UNC93A: variants seen among roughly 807,000 people sequenced by gnomAD.
The protein encoded by UNC93A is N-acetylglucosamine transporter UNC93A.
A neutral mutation model predicts 47.5 loss-of-function variants in UNC93A; 43 were observed. The ratio of observed to expected loss-of-function variants is 0.91; its 90% confidence interval spans 0.71 to 1.17. The LOEUF (loss-of-function observed/expected upper bound fraction) is 1.17. Ranked by LOEUF, UNC93A falls within the 50% of genes most tolerant of loss-of-function variation. The pLI, the probability that UNC93A is intolerant of heterozygous loss-of-function variation, is 0.00. For missense variants in UNC93A, 605 were observed against 577.6 expected (o/e 1.05, Z -0.49); for synonymous variants, 280 against 258.0 (o/e 1.09, Z -0.82).
upstream of UNC93A, among the ~76,000 whole-genome samples, chr6:167,288,555 A>G (rs903180577): frequency 5.9e-5 from 9 of 152,102 alleles, no homozygotes; most frequent in African/African-American, 2.2e-4. Flanking sequence ...TCTACTCCCT[A>G]TAGATACCTT....
upstream of UNC93A, among the ~76,000 whole-genome samples, chr6:167,270,088 G>A (rs964735382): frequency 6.7e-5 from 10 of 150,294 alleles, no homozygotes; most frequent in Non-Finnish European, 8.9e-5. Context: ...CACATGGTCC[G>A]GAGTCCCCAC....
At chr6:167,278,028 C>A (rs1288388557) in intron 1 of UNC93A, among the ~76,000 whole-genome samples, 1 of 152,140 alleles carries the variant, frequency 6.6e-6, no homozygotes, top group Non-Finnish European at 1.5e-5. Flanking sequence ...TCTACCCACC[C>A]CAGGGACTTG....
At chr6:167,307,072 G>C (rs914078867) in intron 6 of UNC93A, among the ~76,000 whole-genome samples, 3 of 152,124 alleles carry the variant, frequency 2.0e-5, no homozygotes, top group African/African-American at 4.8e-5. Flanking sequence ...GGCACACTTT[G>C]TCCTACCCCC....
chr6:167,311,106 C>T (rs949685909), intron 7 of UNC93A, among the ~76,000 whole-genome samples: 1 of 152,216 alleles, frequency 6.6e-6, no homozygotes, highest in Admixed American at 6.5e-5. Flanking sequence ...CAGCTCTCTT[C>T]ATTTTTGTTT....
intron 1 of UNC93A, among the ~76,000 whole-genome samples, chr6:167,277,011 C>A (rs60425049): frequency 0.28 from 43,244 of 152,178 alleles, 6,403 homozygotes; most frequent in Non-Finnish European, 0.33. Context: ...CCTCCTGGGA[C>A]TTGGCAAGCC....
At chr6:167,279,358 T>C (rs1229739632) in intron 1 of UNC93A, among the ~76,000 whole-genome samples, 1 of 152,238 alleles carries the variant, frequency 6.6e-6, no homozygotes, top group Non-Finnish European at 1.5e-5. Context: ...CATTTGCAAT[T>C]CATTTCAAAA....
chr6:167,303,409 C>G (rs1205724555), intron 4 of UNC93A, among the ~76,000 whole-genome samples: 1 of 152,058 alleles, frequency 6.6e-6, no homozygotes, highest in African/African-American at 2.4e-5. Context: ...GCACAACATT[C>G]TGTTGTAGTT....
At chr6:167,291,765 C>T (rs139209429) in intron 1 of UNC93A, among the ~76,000 whole-genome samples, 189 bp downstream of exon 1, 6 of 152,350 alleles carry the variant, frequency 3.9e-5, no homozygotes, top group Admixed American at 6.5e-5. Context: ...TTCCCACTCA[C>T]GTCTCAATAG....
intron 1 of UNC93A, among the ~76,000 whole-genome samples, chr6:167,273,133 C>T (rs776440931): frequency 4.7e-4 from 71 of 152,214 alleles, no homozygotes; most frequent in Non-Finnish European, 3.4e-4. Flanking sequence ...CAGGTGACAT[C>T]AATCACTTAC....
upstream of UNC93A, among the ~76,000 whole-genome samples, chr6:167,287,264 G>A (rs1562345023): frequency 6.6e-6 from 1 of 152,112 alleles, no homozygotes; most frequent in Non-Finnish European, 1.5e-5. Flanking sequence ...TCATAGAAAC[G>A]GCTGCTGAGC....
At chr6:167,286,893 G>C (rs1783744206), upstream of UNC93A, among the ~76,000 whole-genome samples, 1 of 147,540 alleles carries the variant, frequency 6.8e-6, no homozygotes, top group South Asian at 2.1e-4. Context: ...CAGGAGAATT[G>C]CTTGAACCCG....
intron 4 of UNC93A, among the ~76,000 whole-genome samples, chr6:167,302,110 A>G (rs1252087893): frequency 1.3e-5 from 2 of 152,196 alleles, no homozygotes; most frequent in African/African-American, 4.8e-5. Context: ...ATAAATCTGC[A>G]TTTCTAGGTG....
Position 167,307,930 on chromosome 6 carries a change from C to A in UNC93A, c.1108+20C>A. 1 of 1,612,562 alleles carries A rather than the reference C, an allele frequency of 6.2e-7. No individual in the cohort carries two copies. The highest frequency in any genetic ancestry group is 1.1e-5 in the South Asian group (1 of 90,988). ...ACAATGGTGAGTCCCCAGCCCAGGCCCCTTCCTCTGTGGCAGCAGGGGGCG... is the reference window on the plus strand; with the variant it reads ...ACAATGGTGAGTCCCCAGCCCAGGCACCTTCCTCTGTGGCAGCAGGGGGCG... On this transcript the variant is annotated intron_variant, in intron 7 of 7. Coordinates refer to ENST00000230256, the MANE Select transcript of UNC93A (RefSeq NM_018974.4).
chr6:167,304,728 G>A (rs1488851100), intron 5 of UNC93A, among the ~76,000 whole-genome samples: 7 of 152,040 alleles, frequency 4.6e-5, no homozygotes, highest in African/African-American at 9.7e-5. Context: ...GTGCCACCAC[G>A]CCTGGGTAAT....
intron 1 of UNC93A, among the ~76,000 whole-genome samples, chr6:167,280,631 G>C (rs1056583139): frequency 6.6e-6 from 1 of 152,186 alleles, no homozygotes; most frequent in African/African-American, 2.4e-5. Flanking sequence ...AGCTGGAGTG[G>C]CTCCCTTTGT....
chr6:167,295,447 C>T (rs145980338), intron 2 of UNC93A, among the ~76,000 whole-genome samples: 2 of 109,562 alleles, frequency 1.8e-5, no homozygotes, highest in East Asian at 5.8e-4. Flanking sequence ...CTCCCTCGTG[C>T]TCCTCGCCTC....
chr6:167,293,636 A>G (rs1421471585), intron 1 of UNC93A, among the ~76,000 whole-genome samples: 1 of 152,170 alleles, frequency 6.6e-6, no homozygotes, highest in Non-Finnish European at 1.5e-5. Context: ...AGGCACATGC[A>G]TCCCCAGGCT....
intron 1 of UNC93A, among the ~76,000 whole-genome samples, chr6:167,271,656 C>A (rs369246932): frequency 2.0e-4 from 30 of 152,274 alleles, no homozygotes; most frequent in Admixed American, 7.8e-4. Flanking sequence ...ATCCTAGGTT[C>A]TCTGGCTGAG....
rs1383422760 is a variant in UNC93A, at chr6:167,316,014, A to G, written c.*562A>G. The G allele has an allele frequency of 6.3e-6, 1 of 159,404 alleles. No homozygotes were observed. Among genetic ancestry groups the G allele is most frequent in the East Asian group, 1.9e-4 (1 of 5,130 alleles). 9.9% of individuals were successfully genotyped at this position (159,404 alleles called of 1,614,324 possible). A position where few individuals can be genotyped will look rare whatever the true frequency, so the allele number is the denominator to read the frequency against. On this transcript the variant is annotated 3_prime_UTR_variant, in exon 8 of 8. Transcript: ENST00000230256. Reference sequence around the variant, plus strand: ...CTAAATAAAGACGGTTATTTAATGGACTTACCTCCTGCCCAAGTACTGTTG... The same window carrying G: ...CTAAATAAAGACGGTTATTTAATGGGCTTACCTCCTGCCCAAGTACTGTTG...
Sources: allele counts gnomAD v4.1 joint callset (sites outside exome capture counted in the v4.1 genomes callset), GRCh38; gene constraint gnomAD v4.1.1; transcripts MANE v1.5; gene names NCBI Gene and HGNC (gene_info 2026-07-23, HGNC 2026-07-21).